Variants in RGR observed in about 807,000 individuals in gnomAD.
The protein encoded by RGR is retinal G protein coupled receptor.
Under a neutral mutation model 28.6 loss-of-function variants are expected in RGR, and 30 were observed. The observed-to-expected ratio is 1.05, with a 90% CI of 0.78 to 1.42. The LOEUF (loss-of-function observed/expected upper bound fraction) is 1.42, where lower values mean the gene tolerates loss of function less well. Among genes scored for constraint, RGR ranks in the 40% most tolerant of loss-of-function variants. The pLI is 0.00. For missense variants in RGR, 404 were observed against 375.6 expected (o/e 1.08, Z -0.62); for synonymous variants, 180 against 156.4 (o/e 1.15, Z -1.13).
rs1284104162 is a variant in RGR at position 84,258,937 on chromosome 10, G to A, written c.*298G>A. The A allele has an allele frequency of 2.2e-5, 9 of 405,346 alleles. No individual in the cohort carries two copies. Among genetic ancestry groups the A allele is most frequent in the Non-Finnish European group, 3.7e-5 (8 of 213,416 alleles). 25.1% of individuals were successfully genotyped at this position (405,346 alleles called of 1,614,324 possible). A position where few individuals can be genotyped will look rare whatever the true frequency, so the allele number is the denominator to read the frequency against. ...TGCAGTTTTGTTACATGGATAGATT[G>A]CCTAGTGGTGAAGTCTGGGCTTTTA... is the stretch of plus-strand genomic sequence containing the variant. On this transcript the variant is annotated 3_prime_UTR_variant, in exon 7 of 7. Coordinates refer to ENST00000652092, the MANE Select transcript of RGR (RefSeq NM_001012720.2).
chr10:84,250,111 A>T (rs1191345246), intron 3 of RGR, among the ~76,000 whole-genome samples: 2 of 152,302 alleles, frequency 1.3e-5, no homozygotes, highest in East Asian at 3.9e-4. Context: ...TTCAGCTCAC[A>T]GCCTCGGAAG....
Position 84,248,515 on chromosome 10 carries a change from T to C in RGR, c.237-407T>C, listed in dbSNP as rs150485211. On this transcript the variant is annotated intron_variant, in intron 2 of 6. Coordinates refer to ENST00000652092, the MANE Select transcript of RGR (RefSeq NM_001012720.2). ...CACAGAGAATTGAAGTTTCCACCTT[T>C]GCTTGCCCTTTTAGGCTGGGGAGGC... The C allele has an allele frequency of 2.2e-4, 71 of 315,928 alleles. No individual in the cohort carries two copies. The East Asian group carries it at 4.3e-3, about 19-fold the overall frequency. The allele number at this position is 315,928 out of a possible 1,614,324, so 19.6% of individuals were successfully genotyped here. A position where few individuals can be genotyped will look rare whatever the true frequency, so the allele number is the denominator to read the frequency against.
At chr10:84,245,559 A>G (rs1842737420) in intron 1 of RGR, among the ~76,000 whole-genome samples, 1 of 152,138 alleles carries the variant, frequency 6.6e-6, no homozygotes, top group African/African-American at 2.4e-5. Context: ...GGCTCTGGGG[A>G]CAGACAGCTC....
At chr10:84,258,366 C>A in intron 6 of RGR, 142 bp from the exon 7 acceptor site, 1 of 1,377,300 alleles carries the variant, frequency 7.3e-7, no homozygotes, top group Non-Finnish European at 1.0e-6. Context: ...TGCATCTCCA[C>A]CAACTAGTCA....
Position 84,253,018 on chromosome 10 carries a change from GGGA to G in RGR, c.512+13_512+15del, listed in dbSNP as rs778457542. On this transcript the variant is annotated intron_variant, in intron 4 of 6. Coordinates refer to ENST00000652092, the MANE Select transcript of RGR (RefSeq NM_001012720.2). Reference sequence around the variant, plus strand: ...CTACTCCAAGGGGGACAGGTGAGGTGGGAGGAGCAGCTTCGAGGCTCCTATCCA... The same window carrying G: ...CTACTCCAAGGGGGACAGGTGAGGTGGGAGCAGCTTCGAGGCTCCTATCCA... The G allele has an allele frequency of 6.2e-7, 1 of 1,612,420 alleles. No individual in the cohort carries two copies. Among genetic ancestry groups the G allele is most frequent in the South Asian group, 1.1e-5 (1 of 91,018 alleles).
At chr10:84,252,074 A>C (rs1379852391) in intron 3 of RGR, among the ~76,000 whole-genome samples, 1 of 152,240 alleles carries the variant, frequency 6.6e-6, no homozygotes, top group East Asian at 1.9e-4. Context: ...AGCCAGATCC[A>C]GGAGGAACCA....
At chr10:84,256,657 G>A (rs1315824482) in intron 5 of RGR, among the ~76,000 whole-genome samples, 2 of 152,266 alleles carry the variant, frequency 1.3e-5, no homozygotes, top group African/African-American at 4.8e-5. Flanking sequence ...CAGTCCCCTG[G>A]CTCCCAGCTG....
Position 84,247,669 on chromosome 10 carries a change from T to G in RGR, c.158T>G (p.Leu53Arg). 1 of 1,614,210 alleles carries G rather than the reference T, an allele frequency of 6.2e-7. No individual in the cohort carries two copies. The highest frequency in any genetic ancestry group is 1.1e-5 in the South Asian group (1 of 91,088). Residue 53 changes from leucine to arginine, a missense_variant, in exon 2 of 7, where the codon CTA becomes CGA. Coordinates refer to ENST00000652092, the MANE Select transcript of RGR (RefSeq NM_001012720.2). Reference protein sequence around the residue: ...KTPELRTPCHLLVLSLALADS... With the variant: ...KTPELRTPCHRLVLSLALADS... The stretch of plus-strand genomic sequence containing the variant: ...CCGGAGCTGCGGACTCCCTGCCACC[T>G]ACTGGTGCTGAGCTTGGCTCTTGCG...
At chr10:84,250,278 C>A in intron 3 of RGR, 1 of 705,810 alleles carries the variant, frequency 1.4e-6, no homozygotes, top group Non-Finnish European at 2.7e-6. Context: ...ATGGCATGTC[C>A]TCTTTGGAAT....
intron 1 of RGR, among the ~76,000 whole-genome samples, chr10:84,245,500 C>T (rs914245473): frequency 2.0e-5 from 3 of 152,152 alleles, no homozygotes; most frequent in African/African-American, 4.8e-5. Context: ...ATTTAATCCA[C>T]TCCTTGGAAA....
At position 84,258,798 on chromosome 10, in the gene RGR, A is replaced by G; in HGVS notation, c.*159A>G. 9.2e-7 allele frequency: 1 copy of G among 1,081,940 alleles called. No individual in the cohort carries two copies. The highest frequency in any genetic ancestry group is 1.4e-6 in the Non-Finnish European group (1 of 738,732). 67.0% of individuals were successfully genotyped at this position (1,081,940 alleles called of 1,614,324 possible). ...AGGATTCAGAAAGACACCAGGCTGC[A>G]CAGAAAGAGCCAGATGGACCTGAGT... is the stretch of plus-strand genomic sequence containing the variant. On this transcript the variant is annotated 3_prime_UTR_variant, in exon 7 of 7. Coordinates refer to ENST00000652092, the MANE Select transcript of RGR (RefSeq NM_001012720.2).
In RGR at chr10:84,245,069, C is replaced by T; in HGVS notation, c.-22C>T. On this transcript the variant is annotated 5_prime_UTR_variant, in exon 1 of 7. Coordinates refer to ENST00000652092, the MANE Select transcript of RGR (RefSeq NM_001012720.2). Reference sequence around the variant, plus strand: ...TGGGAAGCCAGAGACAGCTGGGCCACTGGCAGTGAGGGAGAGTGAGGATGG... The same window carrying T: ...TGGGAAGCCAGAGACAGCTGGGCCATTGGCAGTGAGGGAGAGTGAGGATGG... 6.2e-7 allele frequency: 1 copy of T among 1,612,930 alleles called. No individual in the cohort carries two copies. Among genetic ancestry groups the T allele is most frequent in the Non-Finnish European group, 8.5e-7 (1 of 1,179,328 alleles).
At chr10:84,251,154 G>A (rs1842813573) in intron 3 of RGR, among the ~76,000 whole-genome samples, 1 of 152,036 alleles carries the variant, frequency 6.6e-6, no homozygotes, top group Non-Finnish European at 1.5e-5. Flanking sequence ...AGAATCGCTT[G>A]AACCTGGGAG....
chr10:84,256,755 A>G (rs769856667), intron 5 of RGR, among the ~76,000 whole-genome samples: 4 of 152,102 alleles, frequency 2.6e-5, no homozygotes, highest in Non-Finnish European at 5.9e-5. Context: ...CATTTACTGG[A>G]GGCTCAGGCA....
rs530289307 is a variant in RGR, at chr10:84,249,767, C to T, written c.358+724C>T. ...TGGGCATGTGCCCTGGCACCCCACACTTCCATGAGGCTTCATGAAAACTGT... is the reference window on the plus strand; with the variant it reads ...TGGGCATGTGCCCTGGCACCCCACATTTCCATGAGGCTTCATGAAAACTGT... On this transcript the variant is annotated intron_variant, in intron 3 of 6. Coordinates refer to ENST00000652092, the MANE Select transcript of RGR (RefSeq NM_001012720.2). 3.3e-5 allele frequency among the ~76,000 whole-genome samples: 5 copies of T among 152,378 alleles called. No homozygotes were observed. In the East Asian group the frequency reaches 9.6e-4, roughly 29 times the overall value.
intron 3 of RGR, among the ~76,000 whole-genome samples, chr10:84,251,198 G>A (rs1466861262): frequency 6.6e-6 from 1 of 152,160 alleles, no homozygotes; most frequent in Non-Finnish European, 1.5e-5. Context: ...TCACGCCACT[G>A]CACTCCAGCC....
chr10:84,250,404 T>C (rs1212525402), intron 3 of RGR: 1 of 717,184 alleles, frequency 1.4e-6, no homozygotes, highest in Admixed American at 2.0e-5. Context: ...CTGCCATCGG[T>C]CTCATCATTT....
At chr10:84,256,470 A>G (rs1198321774) in intron 5 of RGR, among the ~76,000 whole-genome samples, 2 of 152,176 alleles carry the variant, frequency 1.3e-5, no homozygotes, top group African/African-American at 4.8e-5. Flanking sequence ...CTGGGACTCC[A>G]CCACCCATGT....
chr10:84,257,161 T>C (rs1288967046), intron 5 of RGR, among the ~76,000 whole-genome samples: 2 of 152,236 alleles, frequency 1.3e-5, no homozygotes, highest in African/African-American at 4.8e-5. Context: ...GAATTGCACG[T>C]CCGCGTGTTT....
Sources: gnomAD v4.1 joint callset for allele counts (sites outside exome capture counted in the v4.1 genomes callset) on GRCh38, gnomAD v4.1.1 for gene constraint, MANE v1.5 for transcripts, NCBI Gene and HGNC (gene_info 2026-07-23, HGNC 2026-07-21) for gene names.